The following SAMD5 variants were observed in gnomAD, a reference collection of about 807,000 sequenced individuals.
SAMD5 encodes sterile alpha motif domain containing 5.
A neutral mutation model predicts 11.3 loss-of-function variants in SAMD5; 13 were observed. The observed-to-expected ratio is 1.15, with a 90% CI of 0.75 to 1.83. SAMD5 has a LOEUF of 1.83. Among genes scored for constraint, SAMD5 ranks in the 40% most tolerant of loss-of-function variants. The pLI is 0.00. For synonymous variants in SAMD5, 129 were observed against 111.3 expected, an observed-to-expected ratio of 1.16 and a Z score of -1.00; for missense variants, 255 against 239.1, an observed-to-expected ratio of 1.07 and a Z score of -0.44.
the SAMD5 span, among the ~76,000 whole-genome samples, chr6:147,866,090 A>G: frequency 1.3e-5 from 2 of 150,342 alleles, no homozygotes; most frequent in Non-Finnish European, 3.0e-5. Context: ...TAAAATAATC[A>G]TTGTATCTTA....
At chr6:147,765,415 A>G in the SAMD5 span, among the ~76,000 whole-genome samples, 1 of 152,234 alleles carries the variant, frequency 6.6e-6, no homozygotes, top group Admixed American at 6.5e-5. Flanking sequence ...CTATTTAAAA[A>G]TGACAGTGTG....
chr6:147,847,784 T>C, the SAMD5 span, among the ~76,000 whole-genome samples: 1 of 152,012 alleles, frequency 6.6e-6, no homozygotes, highest in African/African-American at 2.4e-5. Context: ...ACCTGGGAGA[T>C]AGAGGTTGCA....
rs149033339 is a variant in SAMD5 at position 147,567,982 on chromosome 6, G to A, written c.*3526G>A. 3 of 985,562 alleles carry A rather than the reference G, an allele frequency of 3.0e-6. No homozygotes were observed. In the African/African-American group the frequency reaches 5.2e-5, roughly 17 times the overall value. The allele number at this position is 985,562 out of a possible 1,614,324, so 61.1% of individuals were successfully genotyped here. ...AAAGGCCAGCAGTTTTCAAGTCTGG[G>A]GAAATAGGCACATGGACAGATTATA... On this transcript the variant is annotated 3_prime_UTR_variant, in exon 2 of 2. Coordinates refer to ENST00000367474, the MANE Select transcript of SAMD5 (RefSeq NM_001030060.3).
the SAMD5 span, among the ~76,000 whole-genome samples, chr6:147,810,729 A>T: frequency 6.6e-6 from 1 of 152,186 alleles, no homozygotes; most frequent in Non-Finnish European, 1.5e-5. Flanking sequence ...TGAGAACTCT[A>T]TTGGATTTAC....
chr6:147,861,794 A>C, the SAMD5 span, among the ~76,000 whole-genome samples: 1 of 152,196 alleles, frequency 6.6e-6, no homozygotes, highest in Non-Finnish European at 1.5e-5. Context: ...TGCCAAAAGA[A>C]AGCCCAAGAA....
At chr6:147,751,683 C>T in the SAMD5 span, among the ~76,000 whole-genome samples, 1 of 152,152 alleles carries the variant, frequency 6.6e-6, no homozygotes. Flanking sequence ...ATGGATCAAA[C>T]CAGATGACAC....
intron 1 of SAMD5, among the ~76,000 whole-genome samples, chr6:147,666,050 C>A (rs530164728): frequency 1.3e-5 from 2 of 152,032 alleles, no homozygotes; most frequent in Admixed American, 6.5e-5. Context: ...ACGATTCTCC[C>A]GCCTCGGCCT....
intron 1 of SAMD5, among the ~76,000 whole-genome samples, chr6:147,516,008 A>G (rs1284579848): frequency 6.6e-6 from 1 of 152,178 alleles, no homozygotes; most frequent in Non-Finnish European, 1.5e-5. Context: ...ACTAGGGTAA[A>G]GCAAGTGAGA....
chr6:147,656,851 C>T (rs760433964), intron 1 of SAMD5, among the ~76,000 whole-genome samples: 4 of 151,790 alleles, frequency 2.6e-5, no homozygotes, highest in Non-Finnish European at 5.9e-5. Flanking sequence ...CTAGCAATCC[C>T]GCTTCTAAGA....
the SAMD5 span, among the ~76,000 whole-genome samples, chr6:147,746,070 AT>A: frequency 6.6e-6 from 1 of 151,972 alleles, no homozygotes; most frequent in Non-Finnish European, 1.5e-5. Context: ...TCTGAGCTTC[AT>A]TTCGCCTGTA....
At chr6:147,636,593 A>G (rs145926911) in intron 1 of SAMD5, among the ~76,000 whole-genome samples, 35 of 152,244 alleles carry the variant, frequency 2.3e-4, no homozygotes, top group African/African-American at 8.2e-4. Flanking sequence ...GTCACTTTTT[A>G]CCAATTTTTT....
the SAMD5 span, among the ~76,000 whole-genome samples, chr6:147,790,628 TTG>T: frequency 6.6e-6 from 1 of 152,040 alleles, no homozygotes; most frequent in Non-Finnish European, 1.5e-5. Context: ...TTCCAGAGAT[TTG>T]TGTGTGAGTA....
the SAMD5 span, among the ~76,000 whole-genome samples, chr6:147,778,873 G>A: frequency 6.6e-6 from 1 of 151,990 alleles, no homozygotes; most frequent in Non-Finnish European, 1.5e-5. Flanking sequence ...AAATTGATGA[G>A]TACAGGATAA....
chr6:147,920,198 G>A, the SAMD5 span, among the ~76,000 whole-genome samples: 23 of 152,282 alleles, frequency 1.5e-4, no homozygotes, highest in African/African-American at 5.3e-4. Context: ...GTCTGGGTGG[G>A]CACCATCTCA....
At chr6:147,510,116 A>C (rs1461468833) in intron 1 of SAMD5, among the ~76,000 whole-genome samples, 1 of 152,200 alleles carries the variant, frequency 6.6e-6, no homozygotes, top group Non-Finnish European at 1.5e-5. Context: ...AAGATGAAGT[A>C]GGTACAACTG....
At chr6:147,610,393 C>A (rs1482894326) in intron 1 of SAMD5, among the ~76,000 whole-genome samples, 1 of 152,156 alleles carries the variant, frequency 6.6e-6, no homozygotes, top group Non-Finnish European at 1.5e-5. Context: ...CTCCTGAGAG[C>A]AATTGCCATG....
intron 1 of SAMD5, chr6:147,730,088 AAAAAG>A (rs748114973): frequency 9.2e-6 from 4 of 436,928 alleles, no homozygotes; most frequent in African/African-American, 2.1e-5. Flanking sequence ...AAAAAAAAAA[AAAAAG>A]AAAAGAAAAA....
the SAMD5 span, among the ~76,000 whole-genome samples, chr6:147,750,742 G>A: frequency 1.4e-4 from 21 of 152,184 alleles, no homozygotes; most frequent in Non-Finnish European, 1.3e-4. Flanking sequence ...TGGCCAACCT[G>A]GTGAAACCCC....
At chr6:147,924,517 T>A in the SAMD5 span, among the ~76,000 whole-genome samples, 2 of 152,108 alleles carry the variant, frequency 1.3e-5, no homozygotes. Flanking sequence ...TTTTAAATTT[T>A]AAATCTAAGT....
Sources: allele counts gnomAD v4.1 joint callset (sites outside exome capture counted in the v4.1 genomes callset), GRCh38; gene constraint gnomAD v4.1.1; transcripts MANE v1.5; gene names NCBI Gene and HGNC (gene_info 2026-07-23, HGNC 2026-07-21).